Variants in CCDC146 observed in about 807,000 individuals in gnomAD.
The protein encoded by CCDC146 is coiled-coil domain containing 146.
Under a neutral mutation model 119.3 loss-of-function variants are expected in CCDC146, and 92 were observed. The ratio of observed to expected loss-of-function variants is 0.77; its 90% confidence interval spans 0.65 to 0.92. CCDC146 has a LOEUF of 0.92. Among genes scored for constraint, CCDC146 ranks in the 40% least tolerant of loss-of-function variants. The probability of loss-of-function intolerance (pLI) is 0.00; values close to 1 mark genes in which losing one functional copy is unlikely to be tolerated. For synonymous variants in CCDC146, 372 were observed against 371.8 expected (o/e 1.00, Z -0.01); for missense variants, 1,000 against 1,103.0 (o/e 0.91, Z 1.32).
chr7:77,293,967 C>G (rs1793998452), intron 18 of CCDC146, among the ~76,000 whole-genome samples: 1 of 152,200 alleles, frequency 6.6e-6, no homozygotes, highest in Non-Finnish European at 1.5e-5. Context: ...TTATAATTTC[C>G]ACACCACCTG....
intron 2 of CCDC146, among the ~76,000 whole-genome samples, chr7:77,214,297 G>A (rs1445893586): frequency 1.3e-5 from 2 of 151,922 alleles, no homozygotes; most frequent in African/African-American, 4.8e-5. Context: ...CTTTTAATGA[G>A]GTTATTTGTT....
chr7:77,134,972 T>A (rs1004013627), intron 1 of CCDC146, among the ~76,000 whole-genome samples: 1 of 152,208 alleles, frequency 6.6e-6, no homozygotes, highest in Non-Finnish European at 1.5e-5. Flanking sequence ...ATATTTGTTA[T>A]TGTTTGTTTT....
rs1791862219 is a variant in CCDC146, at chr7:77,196,022, G to T, written c.156+28198G>T. 2.5e-6 allele frequency: 1 copy of T among 394,800 alleles called. No homozygotes were observed. Among genetic ancestry groups the T allele is most frequent in the Non-Finnish European group, 4.5e-6 (1 of 222,474 alleles). 24.5% of individuals were successfully genotyped at this position (394,800 alleles called of 1,614,324 possible). A position where few individuals can be genotyped will look rare whatever the true frequency, so the allele number is the denominator to read the frequency against. On this transcript the variant is annotated intron_variant, in intron 2 of 18. Transcript: ENST00000285871. This position sits in a 1 kb window ranked among gnomAD's most constrained non-coding sequence, Gnocchi z 4.2. ...GAAAAAGTTTCAATAGAAATTAAAA[G>T]AATTGTAAATCTAATGTATAATTCT...
chr7:77,294,463 GGTGTGTGT>G (rs61323999), intron 18 of CCDC146, among the ~76,000 whole-genome samples, 192 bp from the exon 19 acceptor site: 2,576 of 134,290 alleles, frequency 0.019, 20 homozygotes, highest in Admixed American at 0.023. Flanking sequence ...ATGAGAGGTA[GGTGTGTGT>G]GTGTGTGTGT....
At chr7:77,250,975 G>T (rs1453874395) in intron 4 of CCDC146, among the ~76,000 whole-genome samples, 2 of 11,494 alleles carry the variant, frequency 1.7e-4, no homozygotes, top group Non-Finnish European at 3.3e-4. Context: ...TCTGGTATTT[G>T]TGTGTGTGTG....
intron 1 of CCDC146, among the ~76,000 whole-genome samples, chr7:77,133,652 CTTTTTTTTT>C (rs71524906): frequency 7.3e-6 from 1 of 137,832 alleles, no homozygotes; most frequent in Non-Finnish European, 1.6e-5. Context: ...CCTGGAACAC[CTTTTTTTTT>C]TTTTTTTTAC....
At position 77,282,765 on chromosome 7, in the gene CCDC146, C is replaced by A. The variant is rs763576783; in HGVS notation, c.2128C>A (p.Leu710Ile). 6.2e-7 allele frequency: 1 copy of A among 1,613,778 alleles called. No individual in the cohort carries two copies. The highest frequency in any genetic ancestry group is 8.5e-7 in the Non-Finnish European group (1 of 1,179,732). ...AGCCAAGAGGTCCCTGGATGCCGACCTAGCTGTGCTCCAAATTCAGGTGGG... is the reference window on the plus strand; with the variant it reads ...AGCCAAGAGGTCCCTGGATGCCGACATAGCTGTGCTCCAAATTCAGGTGGG... ...LPAKRSLDAD[L>I]AVLQIQFSQC... The change falls in exon 15 of 19, where the codon CTA becomes ATA. Residue 710 changes from leucine (L) to isoleucine (I), a missense_variant. Coordinates refer to ENST00000285871, the MANE Select transcript of CCDC146 (RefSeq NM_020879.3).
intron 17 of CCDC146, among the ~76,000 whole-genome samples, chr7:77,289,637 G>A (rs985025686): frequency 4.6e-5 from 7 of 152,166 alleles, no homozygotes; most frequent in African/African-American, 1.4e-4. Flanking sequence ...AGTCGAACAC[G>A]TAAGTGACCT....
intron 2 of CCDC146, chr7:77,193,360 G>C (rs202231687): frequency 6.7e-6 from 1 of 149,708 alleles, no homozygotes; most frequent in Non-Finnish European, 1.5e-5. Flanking sequence ...ACACAAGTAA[G>C]TACATAAATA....
chr7:77,178,655 C>G (rs1194377629), intron 2 of CCDC146, among the ~76,000 whole-genome samples: 1 of 152,126 alleles, frequency 6.6e-6, no homozygotes, highest in African/African-American at 2.4e-5. Context: ...TGATTGTTTA[C>G]TACTGTTGTA....
intron 2 of CCDC146, among the ~76,000 whole-genome samples, chr7:77,226,447 A>G (rs765343164): frequency 6.6e-6 from 1 of 152,256 alleles, no homozygotes; most frequent in Non-Finnish European, 1.5e-5. Flanking sequence ...CCTTCCAGAT[A>G]AACTCACTTG....
intron 8 of CCDC146, among the ~76,000 whole-genome samples, chr7:77,260,468 T>C (rs1793271790): frequency 6.6e-6 from 1 of 152,244 alleles, no homozygotes; most frequent in African/African-American, 2.4e-5. Context: ...ATCTGTTGTA[T>C]GTTGTAAGTT....
At chr7:77,142,378 C>G (rs1250939420) in intron 1 of CCDC146, among the ~76,000 whole-genome samples, 1 of 151,206 alleles carries the variant, frequency 6.6e-6, no homozygotes, top group South Asian at 2.1e-4. Flanking sequence ...ATGTGCACAA[C>G]GTGCAGGTTT....
chr7:77,129,837 A>G (rs1435687148), intron 1 of CCDC146, among the ~76,000 whole-genome samples: 1 of 152,126 alleles, frequency 6.6e-6, no homozygotes, highest in African/African-American at 2.4e-5. Flanking sequence ...GTTTCCTTTC[A>G]TTCTTCAAAC....
chr7:77,177,531 T>TTTCACTTGACATTG (rs1339187077), intron 2 of CCDC146, among the ~76,000 whole-genome samples: 4 of 152,320 alleles, frequency 2.6e-5, no homozygotes, highest in Admixed American at 2.6e-4. Context: ...TCAGCGCGCA[T>TTTCACTTGACATTG]TTCACTTGAC....
chr7:77,242,433 A>ATATCCTTTTGGAAGACACAT, intron 4 of CCDC146: 1 of 970,726 alleles, frequency 1.0e-6, no homozygotes, highest in Non-Finnish European at 1.2e-6. Context: ...GAGAAAAGGT[A>ATATCCTTTTGGAAGACACAT]TATCCTTTTG....
intron 1 of CCDC146, among the ~76,000 whole-genome samples, chr7:77,140,540 G>C (rs1178599313): frequency 6.6e-6 from 1 of 152,126 alleles, no homozygotes; most frequent in Non-Finnish European, 1.5e-5. Flanking sequence ...GAAGGAAACT[G>C]TCTTCTGTAA....
At chr7:77,217,310 C>A (rs1792317695) in intron 2 of CCDC146, among the ~76,000 whole-genome samples, 1 of 150,442 alleles carries the variant, frequency 6.6e-6, no homozygotes, top group Non-Finnish European at 1.5e-5. Context: ...ATTCTTTCAA[C>A]CAGGTGAATG....
At chr7:77,199,009 C>A in intron 2 of CCDC146, 1 of 617,596 alleles carries the variant, frequency 1.6e-6, no homozygotes, top group East Asian at 2.8e-5. Context: ...GTAATTAGGT[C>A]ATATTTATGT....
Sources: gnomAD v4.1 joint callset for allele counts (sites outside exome capture counted in the v4.1 genomes callset) on GRCh38, gnomAD v4.1.1 for gene constraint, Gnocchi (gnomAD v3.1) non-coding constraint, MANE v1.5 for transcripts, NCBI Gene and HGNC (gene_info 2026-07-23, HGNC 2026-07-21) for gene names.